The following ERBB4 variants were observed in gnomAD, a reference collection of about 807,000 sequenced individuals.
ERBB4 encodes the protein receptor tyrosine-protein kinase erbB-4.
Under a neutral mutation model 158.0 loss-of-function variants are expected in ERBB4, and 42 were observed. That is an observed-to-expected ratio of 0.27 (90% CI 0.21 to 0.34). The LOEUF is 0.34. Among genes scored for constraint, ERBB4 ranks in the 10% least tolerant of loss-of-function variants. ERBB4 has a pLI of 1.00. For synonymous variants in ERBB4, 583 were observed against 558.7 expected (o/e 1.04, Z -0.61); for missense variants, 1,333 against 1,624.1 (o/e 0.82, Z 3.08).
intron 1 of ERBB4, among the ~76,000 whole-genome samples, chr2:212,268,117 A>G (rs1211139679): frequency 6.6e-6 from 1 of 151,892 alleles, no homozygotes; most frequent in Non-Finnish European, 1.5e-5. Context: ...CATAAATGTT[A>G]TCTCACAAAA....
intron 1 of ERBB4, among the ~76,000 whole-genome samples, chr2:212,242,613 A>G: frequency 6.6e-6 from 1 of 152,150 alleles, no homozygotes; most frequent in African/African-American, 2.4e-5. Context: ...AGTTTTGTCA[A>G]TTTAAAATAA....
At chr2:212,267,608 T>C (rs11889104) in intron 1 of ERBB4, among the ~76,000 whole-genome samples, 2 of 6,206 alleles carry the variant, frequency 3.2e-4, no homozygotes, top group Admixed American at 1.1e-3. Flanking sequence ...TTTTTTTTTT[T>C]TTTATTATAC....
chr2:211,743,662 T>C (rs1457604270), intron 5 of ERBB4, among the ~76,000 whole-genome samples: 2 of 152,230 alleles, frequency 1.3e-5, no homozygotes, highest in Non-Finnish European at 2.9e-5. Flanking sequence ...CATTCTTACC[T>C]GTAAGCCTGC....
chr2:211,901,413 G>A (rs921583842), intron 3 of ERBB4, among the ~76,000 whole-genome samples: 4 of 152,122 alleles, frequency 2.6e-5, no homozygotes, highest in African/African-American at 7.2e-5. Flanking sequence ...GTGTGTGGGC[G>A]CTGATCCTGG....
At chr2:211,854,969 T>C (rs971662902) in intron 3 of ERBB4, among the ~76,000 whole-genome samples, 2 of 152,166 alleles carry the variant, frequency 1.3e-5, no homozygotes, top group Non-Finnish European at 2.9e-5. Context: ...CAATTTAAAC[T>C]CCCACCTATA....
At chr2:212,375,616 T>A (rs1022594807) in intron 1 of ERBB4, among the ~76,000 whole-genome samples, 6 of 152,050 alleles carry the variant, frequency 3.9e-5, no homozygotes, top group Non-Finnish European at 8.8e-5. Context: ...TTTTTTCTTA[T>A]AAGGGGGACT....
intron 1 of ERBB4, among the ~76,000 whole-genome samples, chr2:212,475,522 TC>T (rs1158078336): frequency 6.6e-6 from 1 of 152,160 alleles, no homozygotes; most frequent in Non-Finnish European, 1.5e-5. Context: ...CAGCAAGCCT[TC>T]TCTGCATAAT....
At chr2:212,286,594 C>CTTTTTTTTTTTTTTTTTTT (rs71054190) in intron 1 of ERBB4, among the ~76,000 whole-genome samples, 1 of 55,540 alleles carries the variant, frequency 1.8e-5, no homozygotes, top group African/African-American at 5.8e-5. Flanking sequence ...TAAGTGCTGA[C>CTTTTTTTTTTTTTTTTTTT]TTTTTTTTTT....
intron 5 of ERBB4, among the ~76,000 whole-genome samples, chr2:211,748,640 G>A (rs6733874): frequency 0.037 from 5,613 of 152,316 alleles, 249 homozygotes; most frequent in African/African-American, 0.1. Context: ...GCCCACCAGA[G>A]TGGCTCAGCC....
intron 20 of ERBB4, among the ~76,000 whole-genome samples, chr2:211,532,757 G>A (rs1340924495): frequency 1.3e-5 from 2 of 151,814 alleles, no homozygotes; most frequent in Non-Finnish European, 2.9e-5. Context: ...AAGGTTCAAT[G>A]ACTGACATTT....
At chr2:212,176,594 G>A (rs943103719) in intron 1 of ERBB4, among the ~76,000 whole-genome samples, 1 of 151,944 alleles carries the variant, frequency 6.6e-6, no homozygotes. Flanking sequence ...AGCCTGAGCA[G>A]ATTAAGAAGC....
intron 2 of ERBB4, among the ~76,000 whole-genome samples, chr2:212,078,213 C>A (rs529144977): frequency 6.6e-6 from 1 of 151,914 alleles, no homozygotes; most frequent in South Asian, 2.1e-4. Flanking sequence ...TTTATTTGTC[C>A]CAGCAACTTC....
At chr2:211,917,951 C>G (rs1453251050) in intron 3 of ERBB4, among the ~76,000 whole-genome samples, 1 of 152,032 alleles carries the variant, frequency 6.6e-6, no homozygotes, top group African/African-American at 2.4e-5. Context: ...CTGGGGGAAC[C>G]ATGTAAAAAG....
chr2:212,148,720 G>A (rs1202986817), intron 1 of ERBB4, among the ~76,000 whole-genome samples: 1 of 150,970 alleles, frequency 6.6e-6, no homozygotes, highest in South Asian at 2.1e-4. Context: ...GCACACGTAT[G>A]TTTATTGCGG....
chr2:212,384,636 A>C (rs1261748796), intron 1 of ERBB4, among the ~76,000 whole-genome samples: 3 of 151,666 alleles, frequency 2.0e-5, no homozygotes, highest in Non-Finnish European at 3.0e-5. Flanking sequence ...TCAAAGAGCA[A>C]TATATGTACA....
At chr2:212,104,328 C>T (rs994382994) in intron 2 of ERBB4, among the ~76,000 whole-genome samples, 1 of 151,954 alleles carries the variant, frequency 6.6e-6, no homozygotes, top group Non-Finnish European at 1.5e-5. Context: ...CAAAGTTAAC[C>T]TAATTTGGCA....
At chr2:211,735,222 T>TAA (rs67997650) in intron 5 of ERBB4, among the ~76,000 whole-genome samples, 14,977 of 150,316 alleles carry the variant, frequency 0.1, 2,149 homozygotes, top group African/African-American at 0.32. Flanking sequence ...CACATGAATT[T>TAA]AAAAAAAAAA....
At chr2:212,357,064 C>G (rs941920332) in intron 1 of ERBB4, among the ~76,000 whole-genome samples, 1 of 151,742 alleles carries the variant, frequency 6.6e-6, no homozygotes, top group African/African-American at 2.4e-5. Flanking sequence ...ATAATAGTGT[C>G]TTATACATAA....
intron 1 of ERBB4, among the ~76,000 whole-genome samples, chr2:212,226,414 G>GGC (rs1553601627): frequency 1.3e-5 from 2 of 151,506 alleles, no homozygotes; most frequent in East Asian, 3.9e-4. Flanking sequence ...AAGACATGGG[G>GGC]GGGGGTTTGA....
Sources: gnomAD v4.1 joint callset for allele counts (sites outside exome capture counted in the v4.1 genomes callset) on GRCh38, gnomAD v4.1.1 for gene constraint, MANE v1.5 for transcripts, NCBI Gene and HGNC (gene_info 2026-07-23, HGNC 2026-07-21) for gene names.